ZNF69: variants seen among roughly 807,000 people sequenced by gnomAD.
The protein encoded by ZNF69 is zinc finger protein 69.
Under a neutral mutation model 50.9 loss-of-function variants are expected in ZNF69, and 47 were observed. The observed-to-expected ratio is 0.92, with a 90% confidence interval of 0.73 to 1.18. ZNF69 has a LOEUF of 1.18. Among genes scored for constraint, ZNF69 ranks in the 50% most tolerant of loss-of-function variants. ZNF69 has a pLI of 0.00. For synonymous variants in ZNF69, 216 were observed against 223.1 expected (o/e 0.97, Z 0.29); for missense variants, 717 against 675.1 (o/e 1.06, Z -0.69).
the ZNF69 span, among the ~76,000 whole-genome samples, chr19:11,954,996 A>AT: frequency 0.067 from 6,841 of 101,516 alleles, 159 homozygotes; most frequent in Non-Finnish European, 0.081. Context: ...TTTCAAAAAA[A>AT]TTTTTTTTTT....
chr19:11,914,433 C>T (rs1972503327), downstream of ZNF69: 1 of 152,134 alleles, frequency 6.6e-6, no homozygotes, highest in African/African-American at 2.4e-5. Context: ...TGTATGGGCA[C>T]TGTTTACCAG....
chr19:11,977,023 T>C, the ZNF69 span: 5 of 1,613,896 alleles, frequency 3.1e-6, no homozygotes, highest in South Asian at 4.4e-5. Flanking sequence ...CCTCTACACA[T>C]GTGAGATGTT....
chr19:11,922,189 A>G, the ZNF69 span, among the ~76,000 whole-genome samples: 1 of 151,772 alleles, frequency 6.6e-6, no homozygotes, highest in East Asian at 1.9e-4. Context: ...AAGCATTATT[A>G]TGTTTTACAA....
chr19:11,946,033 AT>A, the ZNF69 span, among the ~76,000 whole-genome samples: 1 of 152,116 alleles, frequency 6.6e-6, no homozygotes, highest in African/African-American at 2.4e-5. Context: ...AAGAAACTCT[AT>A]GTCCTTGTCC....
the ZNF69 span, among the ~76,000 whole-genome samples, chr19:11,935,050 G>A: frequency 1.3e-4 from 19 of 144,986 alleles, 3 homozygotes; most frequent in African/African-American, 3.9e-4. Flanking sequence ...GGTGGCGGGC[G>A]CCTATAGTCC....
the ZNF69 span, among the ~76,000 whole-genome samples, chr19:11,938,515 C>T: frequency 2.0e-5 from 3 of 152,198 alleles, no homozygotes; most frequent in South Asian, 6.2e-4. Flanking sequence ...ATAGTTTGCT[C>T]AGAATAATGG....
downstream of ZNF69, among the ~76,000 whole-genome samples, chr19:11,909,553 A>G (rs371962709): frequency 6.6e-6 from 1 of 152,198 alleles, no homozygotes; most frequent in East Asian, 1.9e-4. Flanking sequence ...TATAAACAGA[A>G]CCAAAGACAA....
At chr19:11,961,363 A>G in the ZNF69 span, among the ~76,000 whole-genome samples, 1 of 152,312 alleles carries the variant, frequency 6.6e-6, no homozygotes, top group East Asian at 1.9e-4. Flanking sequence ...CAAGCTCCAG[A>G]ACTGTGAGAA....
chr19:11,906,126 C>A lies in ZNF69; in HGVS notation c.*28C>A. 7 of 1,601,894 alleles carry A rather than the reference C, an allele frequency of 4.4e-6. No individual in the cohort carries two copies. The highest frequency in any genetic ancestry group is 6.0e-6 in the Non-Finnish European group (7 of 1,176,378). On this transcript the variant is annotated 3_prime_UTR_variant, in exon 4 of 4. Coordinates refer to ENST00000429654, the MANE Select transcript of ZNF69 (RefSeq NM_001364730.1). ...GAAAGCCTTCAGATCTGCCTCACAC[C>A]TTTGAATGCATGGTAGGACACACAA...
chr19:11,890,323 A>C (rs1977054909), intron 1 of ZNF69, among the ~76,000 whole-genome samples: 1 of 152,192 alleles, frequency 6.6e-6, no homozygotes, highest in South Asian at 2.1e-4. Context: ...TCCGCAGTGC[A>C]CTGTGCCCCT....
chr19:11,977,406 T>A, the ZNF69 span: 2 of 1,613,816 alleles, frequency 1.2e-6, no homozygotes, highest in Non-Finnish European at 1.7e-6. Context: ...TGAATATGAG[T>A]ACCAAAACCC....
At chr19:11,898,261 T>TA (rs2145223898) in intron 1 of ZNF69, among the ~76,000 whole-genome samples, 1 of 152,322 alleles carries the variant, frequency 6.6e-6, no homozygotes, top group African/African-American at 2.4e-5. Flanking sequence ...TATGGAATGA[T>TA]AGTTAATTCA....
At chr19:11,923,481 C>T in the ZNF69 span, among the ~76,000 whole-genome samples, 1 of 152,198 alleles carries the variant, frequency 6.6e-6, no homozygotes, top group African/African-American at 2.4e-5. Flanking sequence ...CTCTCCCGGG[C>T]TCCGGGCCCT....
At chr19:11,975,459 G>T in the ZNF69 span, among the ~76,000 whole-genome samples, 1 of 149,718 alleles carries the variant, frequency 6.7e-6, no homozygotes, top group Non-Finnish European at 1.5e-5. Context: ...CTGCAGTGGC[G>T]CAATCTCGGC....
At chr19:11,918,038 G>A (rs1451094349), downstream of ZNF69, among the ~76,000 whole-genome samples, 4 of 151,952 alleles carry the variant, frequency 2.6e-5, no homozygotes, top group South Asian at 2.1e-4. Flanking sequence ...CACCCGCCTC[G>A]GCCTCCCAAA....
chr19:11,896,768 T>C (rs951792680), intron 1 of ZNF69, among the ~76,000 whole-genome samples: 6 of 152,174 alleles, frequency 3.9e-5, no homozygotes, highest in African/African-American at 1.4e-4. Context: ...CTATAGAGCA[T>C]CTTGGCTATT....
chr19:11,910,236 G>A (rs1468145108), downstream of ZNF69, among the ~76,000 whole-genome samples: 1 of 152,134 alleles, frequency 6.6e-6, no homozygotes, highest in Non-Finnish European at 1.5e-5. Context: ...CATGAAAATG[G>A]CCATACTGCC....
chr19:11,953,184 AG>A, the ZNF69 span: 1 of 152,312 alleles, frequency 6.6e-6, no homozygotes, highest in Non-Finnish European at 1.5e-5. Flanking sequence ...ACCAAAGAGT[AG>A]AAACACCACC....
chr19:11,897,789 A>G (rs918705072), intron 1 of ZNF69, among the ~76,000 whole-genome samples: 22 of 149,508 alleles, frequency 1.5e-4, no homozygotes, highest in South Asian at 4.3e-4. Context: ...GGAGAATGGC[A>G]TGAACCCGGG....
Sources: allele counts gnomAD v4.1 joint callset (sites outside exome capture counted in the v4.1 genomes callset), GRCh38; gene constraint gnomAD v4.1.1; transcripts MANE v1.5; gene names NCBI Gene and HGNC (gene_info 2026-07-23, HGNC 2026-07-21).